MTHFD2: variants seen among roughly 807,000 people sequenced by gnomAD.
The protein encoded by MTHFD2 is methylenetetrahydrofolate dehydrogenase (NADP+ dependent) 2, methenyltetrahydrofolate cyclohydrolase.
A neutral mutation model predicts 36.8 loss-of-function variants in MTHFD2; 26 were observed. That is an observed-to-expected ratio of 0.71 (90% CI 0.52 to 0.98). MTHFD2 has a LOEUF of 0.98. Among genes scored for constraint, MTHFD2 ranks in the 50% least tolerant of loss-of-function variants. The probability of loss-of-function intolerance (pLI) is 0.00; values close to 1 mark genes in which losing one functional copy is unlikely to be tolerated. For synonymous variants in MTHFD2, 164 were observed against 155.2 expected, an observed-to-expected ratio of 1.06 and a Z score of -0.42; for missense variants, 373 against 434.0, an observed-to-expected ratio of 0.86 and a Z score of 1.25.
intron 5 of MTHFD2, 41 bp from the exon 6 acceptor site, chr2:74,211,158 C>A: frequency 7.6e-7 from 1 of 1,321,018 alleles, no homozygotes; most frequent in Non-Finnish European, 1.1e-6. Flanking sequence ...CCAATCCCAG[C>A]TTTGTGTCAG....
chr2:74,214,477 T>G lies in MTHFD2; in HGVS notation c.*235T>G, dbSNP rs143060676. ...ATCTAGCCAGGAGCAGCCATTAACC[T>G]AGTGATTAATATGGGAGACATTACC... On this transcript the variant is annotated 3_prime_UTR_variant, in exon 8 of 8. Coordinates refer to ENST00000394053, the MANE Select transcript of MTHFD2 (RefSeq NM_006636.4). 9.4e-4 allele frequency: 283 copies of G among 302,568 alleles called. 1 individual carries two copies. Among genetic ancestry groups the G allele is most frequent in the African/African-American group, 5.7e-3 (262 of 46,156 alleles). 18.7% of individuals were successfully genotyped at this position (302,568 alleles called of 1,614,324 possible). A position where few individuals can be genotyped will look rare whatever the true frequency, so the allele number is the denominator to read the frequency against.
Position 74,210,008 on chromosome 2 carries a change from C to T in MTHFD2, c.629C>T (p.Ala210Val), listed in dbSNP as rs1481469986. 1 of 1,613,752 alleles carries T rather than the reference C, an allele frequency of 6.2e-7. No individual in the cohort carries two copies. Among genetic ancestry groups the T allele is most frequent in the Admixed American group, 1.7e-5 (1 of 59,982 alleles). The change falls in exon 5 of 8, where the codon GCA becomes GTA. Residue 210 changes from alanine to valine, a missense_variant. Ala to Val is a moderately conservative substitution (Grantham distance 64). This residue lies in a region of MTHFD2 where 308 missense variants were observed against 397.8 expected (regional missense o/e 0.77). Coordinates refer to ENST00000394053, the MANE Select transcript of MTHFD2 (RefSeq NM_006636.4). ...GRSKNVGMPIAMLLHTDGAHE... is the reference protein window; with the variant it reads ...GRSKNVGMPIVMLLHTDGAHE... ...TCAAAAAACGTTGGAATGCCCATTG[C>T]AATGTTACTGCACACAGATGGGGCG...
At chr2:74,211,414 G>T (rs1340358672) in intron 6 of MTHFD2, 123 bp downstream of exon 6, 2 of 654,036 alleles carry the variant, frequency 3.1e-6, no homozygotes, top group Non-Finnish European at 5.2e-6. Context: ...TCTTTGAGCT[G>T]CCTACAAAGA....
At chr2:74,202,425 T>C (rs769261174) in intron 1 of MTHFD2, among the ~76,000 whole-genome samples, 1 of 152,190 alleles carries the variant, frequency 6.6e-6, no homozygotes, top group Non-Finnish European at 1.5e-5. Flanking sequence ...AATGTATTTT[T>C]GGCCTGCGGT....
intron 1 of MTHFD2, among the ~76,000 whole-genome samples, chr2:74,203,890 A>AGTTTAGTTTAGTTTAG: frequency 6.8e-5 from 2 of 29,228 alleles, no homozygotes; most frequent in South Asian, 1.1e-3. Context: ...AGTTTAGTTT[A>AGTTTAGTTTAGTTTAG]GTTTAGTTTA....
In MTHFD2 at chr2:74,214,159, A is replaced by G; in HGVS notation, c.970A>G (p.Thr324Ala). 6.8e-6 allele frequency: 11 copies of G among 1,614,142 alleles called. No homozygotes were observed. The highest frequency in any genetic ancestry group is 9.3e-6 in the Non-Finnish European group (11 of 1,180,000). ...PMTVAMLMKNTIIAAKKVLRL... is the reference protein window; with the variant it reads ...PMTVAMLMKNAIIAAKKVLRL... ...GACAGTGGCAATGCTAATGAAGAATACCATTATTGCTGCAAAAAAGGTGCT... is the reference window on the plus strand; with the variant it reads ...GACAGTGGCAATGCTAATGAAGAATGCCATTATTGCTGCAAAAAAGGTGCT... The change falls in exon 8 of 8, where the codon ACC becomes GCC. Residue 324 changes from threonine to alanine, a missense_variant. Coordinates refer to ENST00000394053, the MANE Select transcript of MTHFD2 (RefSeq NM_006636.4).
At chr2:74,203,908 T>TCAGTTCAGTTC (rs1303001339) in intron 1 of MTHFD2, among the ~76,000 whole-genome samples, 1 of 67,190 alleles carries the variant, frequency 1.5e-5, no homozygotes, top group Non-Finnish European at 3.3e-5. Flanking sequence ...TTAGTTTAGT[T>TCAGTTCAGTTC]AGTTTAGTTT....
At chr2:74,212,263 C>CTTTTTT (rs398042480) in intron 7 of MTHFD2, among the ~76,000 whole-genome samples, 22 of 35,696 alleles carry the variant, frequency 6.2e-4, no homozygotes, top group South Asian at 2.1e-3. Flanking sequence ...GTTTCTTTCT[C>CTTTTTT]TTTTTTTTTT....
chr2:74,208,732 C>T lies in MTHFD2; in HGVS notation c.562+11C>T. 1.9e-6 allele frequency: 3 copies of T among 1,612,496 alleles called. No homozygotes were observed. Among genetic ancestry groups the T allele is most frequent in the Non-Finnish European group, 2.5e-6 (3 of 1,179,076 alleles). ...TAATCAAGCGAACTGGTAGGTATAT[C>T]CCAGAATTGCATGTCTGTGTTAATA... On this transcript the variant is annotated intron_variant, in intron 4 of 7. Transcript: ENST00000394053.
chr2:74,208,832 A>G, intron 4 of MTHFD2, 111 bp downstream of exon 4: 2 of 1,114,450 alleles, frequency 1.8e-6, no homozygotes, highest in Middle Eastern at 2.1e-4. Context: ...CATATCCTCT[A>G]GTCTTACTCC....
chr2:74,198,819 G>A (rs1469936214), intron 1 of MTHFD2, 77 bp downstream of exon 1: 1 of 1,307,856 alleles, frequency 7.6e-7, no homozygotes, highest in Non-Finnish European at 1.0e-6. Flanking sequence ...GGCCCCCGAG[G>A]GACACCGAGG....
At chr2:74,199,486 A>C (rs1423432303) in intron 1 of MTHFD2, among the ~76,000 whole-genome samples, 1 of 152,232 alleles carries the variant, frequency 6.6e-6, no homozygotes. Context: ...CAGTTTTACA[A>C]GATGAAGAGT....
At chr2:74,202,516 A>ATT (rs111445397) in intron 1 of MTHFD2, among the ~76,000 whole-genome samples, 1 of 146,190 alleles carries the variant, frequency 6.8e-6, no homozygotes, top group African/African-American at 2.5e-5. Context: ...CCCTATTTTA[A>ATT]TTTTTTTTTT....
At chr2:74,200,888 T>C (rs7340453) in intron 1 of MTHFD2, among the ~76,000 whole-genome samples, 62,048 of 152,086 alleles carry the variant, frequency 0.41, 13,223 homozygotes, top group Middle Eastern at 0.49. Context: ...TTATGAATTG[T>C]AAAATGTCCT....
chr2:74,214,425 C>A lies in MTHFD2; in HGVS notation c.*183C>A. ...ACCTCTGCAGTACCTCACCAGGGAG[C>A]ATTCCAGTATCATGCAGGGTCCTGT... On this transcript the variant is annotated 3_prime_UTR_variant, in exon 8 of 8. Coordinates refer to ENST00000394053, the MANE Select transcript of MTHFD2 (RefSeq NM_006636.4). 3.6e-6 allele frequency: 2 copies of A among 558,586 alleles called. No individual in the cohort carries two copies. Among genetic ancestry groups the A allele is most frequent in the Non-Finnish European group, 6.0e-6 (2 of 330,738 alleles). The allele number at this position is 558,586 out of a possible 1,614,324, so 34.6% of individuals were successfully genotyped here.
Position 74,203,841 on chromosome 2 carries a change from A to G in MTHFD2, c.102-1864A>G, listed in dbSNP as rs193024635. ...CATTTTACTTAAGGAAGAGATGCTCATCTAGTTTAGTTTAGTTTAGTTTAG... is the reference window on the plus strand; with the variant it reads ...CATTTTACTTAAGGAAGAGATGCTCGTCTAGTTTAGTTTAGTTTAGTTTAG... On this transcript the variant is annotated intron_variant, in intron 1 of 7. Transcript: ENST00000394053. Among the ~76,000 whole-genome samples, 174 of 63,824 alleles carry G rather than the reference A, an allele frequency of 2.7e-3. 1 individual carries two copies. Among genetic ancestry groups the G allele is most frequent in the African/African-American group, 4.5e-3 (39 of 8,734 alleles). The allele number at this position is 63,824 out of a possible 152,430, so 41.9% of individuals were successfully genotyped here.
rs1463279507 is a variant in MTHFD2, at chr2:74,215,302, T to A, written c.*1060T>A. ...GGTATGGTATGAATTTCTGAAATTC[T>A]GTCTTCCTATGACTCCTAGTTGTGA... On this transcript the variant is annotated 3_prime_UTR_variant, in exon 8 of 8. Coordinates refer to ENST00000394053, the MANE Select transcript of MTHFD2 (RefSeq NM_006636.4). The A allele has an allele frequency of 6.6e-6, 1 of 152,436 alleles. No individual in the cohort carries two copies. The highest frequency in any genetic ancestry group is 2.4e-5 in the African/African-American group (1 of 41,470). The allele number at this position is 152,436 out of a possible 1,614,324, so 9.4% of individuals were successfully genotyped here. A position where few individuals can be genotyped will look rare whatever the true frequency, so the allele number is the denominator to read the frequency against.
At position 74,198,691 on chromosome 2, in the gene MTHFD2, C is replaced by T. The variant is rs1185186960; in HGVS notation, c.50C>T (p.Pro17Leu). ...MSALAARLLQ[P>L]AHSCSLRLRP... The stretch of plus-strand genomic sequence containing the variant: ...GCTTTGGCTGCCCGGCTGCTGCAGC[C>T]CGCGCACAGCTGCTCCCTTCGCCTT... Residue 17 changes from proline to leucine, a missense_variant, in exon 1 of 8, where the codon CCC (proline) becomes CTC (leucine). By Grantham distance (98) the Pro-to-Leu change is moderately conservative (BLOSUM62 -3). Coordinates refer to ENST00000394053, the MANE Select transcript of MTHFD2 (RefSeq NM_006636.4). 1.2e-6 allele frequency: 2 copies of T among 1,611,458 alleles called. No individual in the cohort carries two copies. Among genetic ancestry groups the T allele is most frequent in the South Asian group, 1.1e-5 (1 of 90,860 alleles).
chr2:74,209,544 C>T (rs1022534366), intron 4 of MTHFD2, among the ~76,000 whole-genome samples: 10 of 152,042 alleles, frequency 6.6e-5, no homozygotes, highest in Non-Finnish European at 1.3e-4. Flanking sequence ...AGCCATCGCG[C>T]GTGGCCTCTA....
Sources: gnomAD v4.1 joint callset for allele counts (sites outside exome capture counted in the v4.1 genomes callset) on GRCh38, gnomAD v4.1.1 for gene constraint, gnomAD v4.1.1 regional missense constraint, MANE v1.5 for transcripts, NCBI Gene and HGNC (gene_info 2026-07-23, HGNC 2026-07-21) for gene names.